Variants in GRID2 observed in about 807,000 individuals in gnomAD.
The protein encoded by GRID2 is glutamate receptor ionotropic, delta-2.
Under a neutral mutation model 114.8 loss-of-function variants are expected in GRID2, and 33 were observed. The ratio of observed to expected loss-of-function variants is 0.29; its 90% CI spans 0.22 to 0.38. GRID2 has a LOEUF of 0.38. GRID2 is among the 10% of genes least tolerant of loss of function. The probability of loss-of-function intolerance (pLI) is 1.00; values close to 1 mark genes in which losing one functional copy is unlikely to be tolerated. For synonymous variants in GRID2, 505 were observed against 449.9 expected, an observed-to-expected ratio of 1.12 and a Z score of -1.55; for missense variants, 1,184 against 1,257.7, an observed-to-expected ratio of 0.94 and a Z score of 0.89.
chr4:93,427,580 A>G (rs552536888), intron 10 of GRID2, among the ~76,000 whole-genome samples: 1 of 152,108 alleles, frequency 6.6e-6, no homozygotes, highest in Non-Finnish European at 1.5e-5. Flanking sequence ...AAATGTTGGA[A>G]AGTGAGCTCT....
At chr4:92,435,654 G>A (rs769846654) in intron 1 of GRID2, among the ~76,000 whole-genome samples, 24 of 152,156 alleles carry the variant, frequency 1.6e-4, no homozygotes, top group Admixed American at 2.0e-4. Context: ...AGAACTTTCC[G>A]AGCTTTCATA....
intron 1 of GRID2, among the ~76,000 whole-genome samples, chr4:92,447,678 T>G (rs1199029150): frequency 6.6e-6 from 1 of 152,226 alleles, no homozygotes; most frequent in Non-Finnish European, 1.5e-5. Context: ...AAAATCACAG[T>G]GCTTGCAGAT....
At chr4:93,393,797 A>G (rs1765076826) in intron 8 of GRID2, among the ~76,000 whole-genome samples, 1 of 152,026 alleles carries the variant, frequency 6.6e-6, no homozygotes, top group South Asian at 2.1e-4. Context: ...GTTGGTGCTA[A>G]TAGATGTCAT....
At chr4:93,452,819 A>G (rs1456191856) in intron 10 of GRID2, among the ~76,000 whole-genome samples, 3 of 151,868 alleles carry the variant, frequency 2.0e-5, no homozygotes, top group South Asian at 2.1e-4. Flanking sequence ...GTCTTTGATT[A>G]TTTCTGGTTA....
At chr4:93,628,250 G>A (rs41525649) in intron 14 of GRID2, among the ~76,000 whole-genome samples, 19,305 of 152,072 alleles carry the variant, frequency 0.13, 1,594 homozygotes, top group East Asian at 0.44. Flanking sequence ...TAGGGAATCC[G>A]TCTGTAAAGC....
chr4:92,346,721 A>G (rs1727782729), intron 1 of GRID2, among the ~76,000 whole-genome samples: 3 of 152,194 alleles, frequency 2.0e-5, no homozygotes, highest in African/African-American at 7.2e-5. Flanking sequence ...AAAAGTTCGA[A>G]TATTCATGTA....
intron 1 of GRID2, among the ~76,000 whole-genome samples, chr4:92,530,506 C>CAAAAAA (rs1178226207): frequency 2.2e-5 from 1 of 45,822 alleles, no homozygotes; most frequent in African/African-American, 1.1e-4. Flanking sequence ...GTGACTAGTA[C>CAAAAAA]AGAAAAAAAA....
At chr4:93,128,062 A>AC (rs1734464622) in intron 4 of GRID2, among the ~76,000 whole-genome samples, 1 of 134,766 alleles carries the variant, frequency 7.4e-6, no homozygotes, top group African/African-American at 2.8e-5. Flanking sequence ...AAAAAAAACA[A>AC]CAGTACGTGC....
intron 1 of GRID2, among the ~76,000 whole-genome samples, chr4:92,539,328 A>C (rs976682273): frequency 6.6e-6 from 1 of 152,128 alleles, no homozygotes; most frequent in Admixed American, 6.6e-5. Flanking sequence ...TATTACTATA[A>C]AATGGTGGCC....
Position 92,666,598 on chromosome 4 carries a change from C to T in GRID2, c.244+76312C>T, listed in dbSNP as rs577150698. On this transcript the variant is annotated intron_variant, in intron 2 of 15. Transcript: ENST00000282020. ...GATTTGGTTTGTTTTGTTTGGAATGCTGTAGGCTATCTCTATGCCAAGGAT... is the reference window on the plus strand; with the variant it reads ...GATTTGGTTTGTTTTGTTTGGAATGTTGTAGGCTATCTCTATGCCAAGGAT... 4.3e-5 allele frequency among the ~76,000 whole-genome samples: 6 copies of T among 139,660 alleles called. 1 individual carries two copies. In the South Asian group the frequency reaches 1.4e-3, roughly 32 times the overall value. The allele number at this position is 139,660 out of a possible 152,430, so 91.6% of individuals were successfully genotyped here.
chr4:93,616,057 C>T (rs1241473373), intron 13 of GRID2, among the ~76,000 whole-genome samples: 1 of 152,080 alleles, frequency 6.6e-6, no homozygotes, highest in Non-Finnish European at 1.5e-5. Context: ...AGTCATATGT[C>T]TAAAGGAGCT....
At chr4:92,384,954 A>G (rs748727657) in intron 1 of GRID2, among the ~76,000 whole-genome samples, 5 of 151,158 alleles carry the variant, frequency 3.3e-5, no homozygotes, top group African/African-American at 1.2e-4. Context: ...TGCATCACCA[A>G]TATACACAAT....
chr4:93,426,608 C>A (rs931940537), intron 10 of GRID2, among the ~76,000 whole-genome samples: 2 of 151,932 alleles, frequency 1.3e-5, no homozygotes, highest in African/African-American at 4.8e-5. Flanking sequence ...AATGAGGAGT[C>A]CAAGTATGTT....
At chr4:92,663,511 T>G (rs76026393) in intron 2 of GRID2, among the ~76,000 whole-genome samples, 9,200 of 151,346 alleles carry the variant, frequency 0.061, 337 homozygotes, top group East Asian at 0.16. Context: ...TAAAATTAGT[T>G]GTCTAGTATA....
intron 13 of GRID2, among the ~76,000 whole-genome samples, chr4:93,543,200 A>G (rs554439175): frequency 2.0e-5 from 3 of 152,170 alleles, no homozygotes; most frequent in Admixed American, 6.5e-5. Context: ...TGGATGCTCT[A>G]TGTCTGTGAT....
chr4:93,003,195 A>C (rs1017158683), intron 2 of GRID2, among the ~76,000 whole-genome samples: 1 of 151,930 alleles, frequency 6.6e-6, no homozygotes, highest in Non-Finnish European at 1.5e-5. Flanking sequence ...ACAAACTGCC[A>C]GTCTATAGAA....
At chr4:92,873,787 T>C (rs1483728627) in intron 2 of GRID2, among the ~76,000 whole-genome samples, 1 of 152,198 alleles carries the variant, frequency 6.6e-6, no homozygotes, top group Non-Finnish European at 1.5e-5. Flanking sequence ...TGATCTCGGC[T>C]CACCGCAACT....
chr4:92,785,525 T>C (rs1451029798), intron 2 of GRID2, among the ~76,000 whole-genome samples: 3 of 151,664 alleles, frequency 2.0e-5, no homozygotes, highest in African/African-American at 7.2e-5. Context: ...TAACCAAAAA[T>C]ACAATTTTCT....
At chr4:92,425,799 T>C (rs1732132426) in intron 1 of GRID2, among the ~76,000 whole-genome samples, 1 of 152,106 alleles carries the variant, frequency 6.6e-6, no homozygotes, top group Non-Finnish European at 1.5e-5. Context: ...ATTTAATAAT[T>C]TATGAAAGAG....
Sources: gnomAD v4.1 joint callset for allele counts (sites outside exome capture counted in the v4.1 genomes callset) on GRCh38, gnomAD v4.1.1 for gene constraint, MANE v1.5 for transcripts, NCBI Gene and HGNC (gene_info 2026-07-23, HGNC 2026-07-21) for gene names.